ATR: variants seen among roughly 807,000 people sequenced by gnomAD.
ATR encodes the protein serine/threonine-protein kinase ATR.
ATR carries 142 observed loss-of-function variants against 305.3 expected under a neutral mutation model. The ratio of observed to expected loss-of-function variants is 0.47; its 90% CI spans 0.41 to 0.53. The LOEUF is 0.53. Among genes scored for constraint, ATR ranks in the 20% least tolerant of loss-of-function variants. The pLI is 0.00. For synonymous variants in ATR, 1,050 were observed against 1,068.1 expected (o/e 0.98, Z 0.33); for missense variants, 2,135 against 3,133.1 (o/e 0.68, Z 7.60).
chr3:142,508,923 C>A (rs1451656421), intron 27 of ATR, among the ~76,000 whole-genome samples: 798 of 118,106 alleles, frequency 6.8e-3, no homozygotes, highest in South Asian at 0.013. Context: ...GACTCCGTAT[C>A]AAAAAAAAAA....
At chr3:142,482,990 T>TTTTTTTTTTTCTTTCTTTC (rs1288085175) in intron 36 of ATR, among the ~76,000 whole-genome samples, 1 of 124,044 alleles carries the variant, frequency 8.1e-6, no homozygotes, top group African/African-American at 4.8e-5. Flanking sequence ...CCTTTCTTTC[T>TTTTTTTTTTTCTTTCTTTC]TTTTTTTTTT....
intron 27 of ATR, among the ~76,000 whole-genome samples, chr3:142,509,410 T>A (rs139836762): frequency 6.6e-6 from 1 of 152,184 alleles, no homozygotes; most frequent in African/African-American, 2.4e-5. Context: ...GTGATCCTCC[T>A]GCCTCGGCCT....
At chr3:142,566,333 T>A (rs2108494934) in intron 2 of ATR, 72 bp from the exon 3 acceptor site, 1 of 1,549,890 alleles carries the variant, frequency 6.5e-7, no homozygotes, top group Non-Finnish European at 8.9e-7. Flanking sequence ...GAAACCAGAC[T>A]GTGGGCCAGG....
chr3:142,466,259 TA>T (rs1037150886), intron 40 of ATR, 64 bp downstream of exon 40: 31 of 1,486,392 alleles, frequency 2.1e-5, no homozygotes, highest in Non-Finnish European at 2.8e-5. Context: ...ATACACTTTT[TA>T]TCTTAATTTG....
At chr3:142,483,886 T>TAC (rs1205783133) in intron 36 of ATR, among the ~76,000 whole-genome samples, 1 of 151,282 alleles carries the variant, frequency 6.6e-6, no homozygotes, top group African/African-American at 2.4e-5. Flanking sequence ...TATATATATA[T>TAC]ATAACCACGA....
intron 1 of ATR, among the ~76,000 whole-genome samples, chr3:142,573,729 A>C (rs1203807776): frequency 4.6e-5 from 7 of 152,162 alleles, no homozygotes; most frequent in Non-Finnish European, 7.3e-5. Flanking sequence ...TCGATATAAA[A>C]ATTATTCATG....
intron 36 of ATR, among the ~76,000 whole-genome samples, chr3:142,480,137 C>A: frequency 6.6e-6 from 1 of 152,036 alleles, no homozygotes; most frequent in African/African-American, 2.4e-5. Context: ...TGAGGAGCTG[C>A]GTTCCTTTGG....
At position 142,535,181 on chromosome 3, in the gene ATR, G is replaced by A. The variant is rs2108425238; in HGVS notation, c.3844C>T (p.Gln1282Ter). Residue 1282 changes from glutamine (Q) to a stop codon, truncating the protein, a stop_gained, in exon 21 of 47, where the codon CAG becomes TAG. Transcript: ENST00000350721. LOFTEE classifies it high-confidence loss of function. The stretch of plus-strand genomic sequence containing the variant: ...TTCATAGAGAGCTGAAGAGTTGTCT[G>A]AAGATCAGTGCTCTCAGAGGTCTCC... ...RKETSESTDL[Q>*]TTLQLSMKAI... The A allele has an allele frequency of 6.2e-7, 1 of 1,613,206 alleles. No individual in the cohort carries two copies. The highest frequency in any genetic ancestry group is 1.1e-5 in the South Asian group (1 of 91,056).
chr3:142,463,403 G>T (rs955372942), intron 41 of ATR, among the ~76,000 whole-genome samples: 3 of 152,084 alleles, frequency 2.0e-5, no homozygotes, highest in East Asian at 1.9e-4. Context: ...ATACTTTTTT[G>T]TTGTTGTTGT....
chr3:142,484,813 T>C (rs1342022499), intron 36 of ATR, among the ~76,000 whole-genome samples: 4 of 152,126 alleles, frequency 2.6e-5, no homozygotes, highest in African/African-American at 9.7e-5. Context: ...GTCCACTGCT[T>C]GGTGTATGGG....
intron 21 of ATR, among the ~76,000 whole-genome samples, chr3:142,530,694 G>T (rs1254537937): frequency 2.0e-5 from 3 of 151,976 alleles, no homozygotes; most frequent in African/African-American, 7.3e-5. Flanking sequence ...TTTTACTTCT[G>T]CAGGACCCTT....
intron 21 of ATR, among the ~76,000 whole-genome samples, chr3:142,528,068 CTGT>C (rs1261642039): frequency 6.6e-6 from 1 of 152,176 alleles, no homozygotes; most frequent in Admixed American, 6.5e-5. Context: ...ATTTCTGTTT[CTGT>C]TGTTTAAAGT....
intron 36 of ATR, among the ~76,000 whole-genome samples, chr3:142,478,695 A>G (rs1254008020): frequency 2.6e-5 from 4 of 152,082 alleles, no homozygotes; most frequent in Non-Finnish European, 5.9e-5. Flanking sequence ...TGGGGTGTTA[A>G]AGTCTCCCAT....
chr3:142,534,273 G>C (rs1457400884), intron 21 of ATR, among the ~76,000 whole-genome samples: 1 of 152,068 alleles, frequency 6.6e-6, no homozygotes, highest in African/African-American at 2.4e-5. Flanking sequence ...ACTTAACCTA[G>C]AGGAGATTCA....
intron 35 of ATR, 92 bp from the exon 36 acceptor site, chr3:142,485,374 G>A (rs2030849458): frequency 6.8e-7 from 1 of 1,468,870 alleles, no homozygotes; most frequent in Non-Finnish European, 9.3e-7. Context: ...TCAAAAGTAT[G>A]TGACCTTTAT....
chr3:142,519,929 G>GT (rs1054525635), intron 23 of ATR, 145 bp from the exon 24 acceptor site: 89 of 683,794 alleles, frequency 1.3e-4, no homozygotes, highest in Middle Eastern at 3.9e-4. Flanking sequence ...CATGGATGCT[G>GT]TTTTTTTTGT....
chr3:142,558,059 T>C (rs958039614), intron 8 of ATR, among the ~76,000 whole-genome samples: 1 of 152,338 alleles, frequency 6.6e-6, no homozygotes, highest in Non-Finnish European at 1.5e-5. Flanking sequence ...TAAGGACACA[T>C]TGCAAATGTT....
intron 41 of ATR, among the ~76,000 whole-genome samples, chr3:142,463,137 T>C (rs2071056318): frequency 6.6e-6 from 1 of 152,166 alleles, no homozygotes; most frequent in Non-Finnish European, 1.5e-5. Flanking sequence ...AACATAGTTT[T>C]TTACAAAACT....
rs1577689613 is a variant in ATR, at chr3:142,555,907, TCA to T, written c.2309_2310del (p.Leu770GlnfsTer6). ...ASVCKPFLFL[L>X]KKKIPSPVKL... is the part of the protein sequence containing the mutation. ...TTTACTGGACTAGGTATTTTTTTTT[TCA>T]GTAGGAAAAGGAATGGCTTGCAGAC... On this transcript the variant is annotated frameshift_variant, in exon 10 of 47. Coordinates refer to ENST00000350721, the MANE Select transcript of ATR (RefSeq NM_001184.4). LOFTEE classifies it high-confidence loss of function. 2 of 1,610,156 alleles carry T rather than the reference TCA, an allele frequency of 1.2e-6. No individual in the cohort carries two copies. The highest frequency in any genetic ancestry group is 1.7e-5 in the Admixed American group (1 of 59,054).
Sources: gnomAD v4.1 joint callset for allele counts (sites outside exome capture counted in the v4.1 genomes callset) on GRCh38, gnomAD v4.1.1 for gene constraint, MANE v1.5 for transcripts, NCBI Gene and HGNC (gene_info 2026-07-23, HGNC 2026-07-21) for gene names.